Variants in RIC3 observed in about 807,000 individuals in gnomAD.
RIC3 encodes RIC3 acetylcholine receptor chaperone.
In RIC3, 28 loss-of-function variants were observed where a neutral mutation model predicts 27.3. The observed-to-expected ratio is 1.02, with a 90% CI of 0.76 to 1.41. RIC3 has a LOEUF of 1.41. RIC3 is among the 40% of genes most tolerant of loss of function. RIC3 has a pLI of 0.00. For missense variants in RIC3, 501 were observed against 444.7 expected (o/e 1.13, Z -1.14); for synonymous variants, 184 against 160.4 (o/e 1.15, Z -1.11).
the RIC3 span, chr11:8,100,652 A>G: frequency 3.2e-6 from 5 of 1,581,734 alleles, no homozygotes; most frequent in African/African-American, 2.7e-5. Context: ...TAGTCTCTGC[A>G]TGAGCTTCTA....
intron 1 of RIC3, among the ~76,000 whole-genome samples, chr11:8,157,269 T>C (rs1345056786): frequency 6.6e-6 from 1 of 152,218 alleles, no homozygotes; most frequent in Non-Finnish European, 1.5e-5. Context: ...GCTTTATCAA[T>C]TACAGCTTTA....
chr11:8,155,069 A>G (rs1950553783), intron 1 of RIC3, among the ~76,000 whole-genome samples: 2 of 151,986 alleles, frequency 1.3e-5, no homozygotes, highest in Admixed American at 6.6e-5. Context: ...AAACTTTTAT[A>G]AATCAGCCGG....
At chr11:8,097,709 C>T in the RIC3 span, 1 of 1,611,070 alleles carries the variant, frequency 6.2e-7, no homozygotes, top group African/African-American at 1.3e-5. Context: ...ATTCCACTCC[C>T]CAAGGTGTTC....
At chr11:8,153,780 A>G (rs971876595) in intron 1 of RIC3, among the ~76,000 whole-genome samples, 2 of 152,102 alleles carry the variant, frequency 1.3e-5, no homozygotes, top group African/African-American at 4.8e-5. Flanking sequence ...TATGTCTACC[A>G]CCTCAAGCCT....
intron 4 of RIC3, among the ~76,000 whole-genome samples, chr11:8,136,646 T>C (rs1029187109): frequency 6.6e-6 from 1 of 152,242 alleles, no homozygotes; most frequent in African/African-American, 2.4e-5. Context: ...CATGTAATTC[T>C]GTGCTGGCAC....
At chr11:8,128,638 T>C (rs12361499) in intron 4 of RIC3, among the ~76,000 whole-genome samples, 6,331 of 152,060 alleles carry the variant, frequency 0.042, 159 homozygotes, top group Middle Eastern at 0.082. Flanking sequence ...TGTTAAGAGC[T>C]CAATAATTAC....
chr11:8,127,588 TTTGA>T (rs765767308), intron 4 of RIC3, among the ~76,000 whole-genome samples: 6 of 152,166 alleles, frequency 3.9e-5, no homozygotes, highest in Non-Finnish European at 5.9e-5. Flanking sequence ...AGGATAACAG[TTTGA>T]TTGTTTTCTT....
Position 8,110,619 on chromosome 11 carries a change from G to C in RIC3, c.*79C>G. ...TTGAACACAGTGAAGAAAGTGCAGG[G>C]CACAGGGCCAAGAAGGAAATCTGAG... On this transcript the variant is annotated 3_prime_UTR_variant, in exon 6 of 6. Coordinates refer to ENST00000309737, the MANE Select transcript of RIC3 (RefSeq NM_001206671.4). 1 of 1,270,690 alleles carries C rather than the reference G, an allele frequency of 7.9e-7. No homozygotes were observed. The highest frequency in any genetic ancestry group is 1.2e-5 in the South Asian group (1 of 83,978). The allele number at this position is 1,270,690 out of a possible 1,614,324, so 78.7% of individuals were successfully genotyped here.
intron 1 of RIC3, among the ~76,000 whole-genome samples, chr11:8,166,667 C>T (rs929088715): frequency 5.3e-5 from 8 of 152,062 alleles, no homozygotes; most frequent in Admixed American, 2.0e-4. Context: ...CCCACGAGTT[C>T]GACACCAGCC....
At chr11:8,132,523 G>C (rs374566630) in intron 4 of RIC3, among the ~76,000 whole-genome samples, 1 of 152,106 alleles carries the variant, frequency 6.6e-6, no homozygotes, top group African/African-American at 2.4e-5. Context: ...CTTAATATCA[G>C]ACAGAACATG....
At chr11:8,128,249 C>T (rs551719977) in intron 4 of RIC3, 6 of 457,260 alleles carry the variant, frequency 1.3e-5, no homozygotes, top group African/African-American at 8.0e-5. Flanking sequence ...TCTCTTCAGG[C>T]GGCACATGTT....
chr11:8,142,014 C>T (rs55909990), intron 1 of RIC3, among the ~76,000 whole-genome samples: 9,651 of 149,558 alleles, frequency 0.065, 285 homozygotes, highest in South Asian at 0.094. Context: ...ATCTCTGGGA[C>T]GCATTCAAAG....
chr11:8,160,628 T>C (rs762172991), intron 1 of RIC3, among the ~76,000 whole-genome samples: 20 of 152,180 alleles, frequency 1.3e-4, no homozygotes, highest in Non-Finnish European at 2.6e-4. Flanking sequence ...AATTCTAATA[T>C]ACAGCAAAGT....
chr11:8,158,127 A>G (rs1950835690), intron 1 of RIC3, among the ~76,000 whole-genome samples: 1 of 152,182 alleles, frequency 6.6e-6, no homozygotes, highest in Non-Finnish European at 1.5e-5. Context: ...CTATGTATGT[A>G]TATGTATGTC....
At chr11:8,165,594 T>G (rs1023977352) in intron 1 of RIC3, among the ~76,000 whole-genome samples, 2 of 152,046 alleles carry the variant, frequency 1.3e-5, no homozygotes, top group African/African-American at 4.8e-5. Flanking sequence ...TGAAGAAATA[T>G]TCTAAAATTG....
chr11:8,147,492 T>C (rs1290585188), intron 1 of RIC3, among the ~76,000 whole-genome samples: 2 of 152,098 alleles, frequency 1.3e-5, no homozygotes, highest in African/African-American at 4.8e-5. Context: ...CTCTATAGAA[T>C]GTGGATCTTT....
chr11:8,160,435 T>A (rs936076114), intron 1 of RIC3, among the ~76,000 whole-genome samples: 2 of 152,226 alleles, frequency 1.3e-5, no homozygotes, highest in African/African-American at 4.8e-5. Context: ...ATACATTGAA[T>A]GAAACATTGA....
At chr11:8,097,506 C>T in the RIC3 span, 5 of 1,580,120 alleles carry the variant, frequency 3.2e-6, no homozygotes, top group Non-Finnish European at 3.5e-6. Flanking sequence ...CTGGAAGTCT[C>T]ATATCTACCA....
chr11:8,098,652 TC>T, the RIC3 span: 1 of 816,978 alleles, frequency 1.2e-6, no homozygotes. Context: ...CTGCTCCTGT[TC>T]CAGCCCAGAA....
Sources: allele counts gnomAD v4.1 joint callset (sites outside exome capture counted in the v4.1 genomes callset), GRCh38; gene constraint gnomAD v4.1.1; transcripts MANE v1.5; gene names NCBI Gene and HGNC (gene_info 2026-07-23, HGNC 2026-07-21).